The following SNX10 variants were observed in gnomAD, a reference collection of about 807,000 sequenced individuals.
SNX10 encodes sorting nexin-10.
A neutral mutation model predicts 28.5 loss-of-function variants in SNX10; 25 were observed. That is an observed-to-expected ratio of 0.88 (90% CI 0.64 to 1.22). The LOEUF (loss-of-function observed/expected upper bound fraction) is 1.22, where lower values mean the gene tolerates loss of function less well. SNX10 is among the 50% of genes most tolerant of loss of function. The probability of loss-of-function intolerance (pLI) is 0.00; values close to 1 mark genes in which losing one functional copy is unlikely to be tolerated. For synonymous variants in SNX10, 62 were observed against 81.4 expected (o/e 0.76, Z 1.28); for missense variants, 223 against 242.6 (o/e 0.92, Z 0.54).
chr7:26,293,811 A>G (rs1366844620), intron 1 of SNX10, among the ~76,000 whole-genome samples: 1 of 152,110 alleles, frequency 6.6e-6, no homozygotes, highest in Non-Finnish European at 1.5e-5. Context: ...TACTAATGGG[A>G]AGGACCCCTG....
intron 1 of SNX10, among the ~76,000 whole-genome samples, chr7:26,315,935 C>T (rs1787066648): frequency 6.6e-6 from 1 of 151,978 alleles, no homozygotes; most frequent in Admixed American, 6.6e-5. Flanking sequence ...GTAATCCCAG[C>T]ACTTTGGGAG....
intron 1 of SNX10, among the ~76,000 whole-genome samples, chr7:26,341,499 AT>A (rs77220780): frequency 0.54 from 78,417 of 145,558 alleles, 21,112 homozygotes; most frequent in South Asian, 0.65. Flanking sequence ...CTCTATGTGC[AT>A]TTTTTTTTTT....
At chr7:26,352,789 A>G (rs1788660270) in intron 2 of SNX10, among the ~76,000 whole-genome samples, 1 of 152,172 alleles carries the variant, frequency 6.6e-6, no homozygotes, top group Non-Finnish European at 1.5e-5. Flanking sequence ...CTAATTCTCT[A>G]TTTAATTAGG....
intron 1 of SNX10, among the ~76,000 whole-genome samples, chr7:26,328,492 C>G (rs967924410): frequency 6.6e-6 from 1 of 152,076 alleles, no homozygotes. Flanking sequence ...ATTCTGGACA[C>G]CTTTGTACAT....
At chr7:26,300,539 G>C (rs1031512529) in intron 1 of SNX10, among the ~76,000 whole-genome samples, 1 of 152,184 alleles carries the variant, frequency 6.6e-6, no homozygotes, top group Non-Finnish European at 1.5e-5. Context: ...CTAGGGAGGG[G>C]TGGTCTCTGC....
intron 1 of SNX10, among the ~76,000 whole-genome samples, chr7:26,300,082 A>G (rs1393530779): frequency 6.6e-6 from 1 of 152,050 alleles, no homozygotes; most frequent in Non-Finnish European, 1.5e-5. Flanking sequence ...ATGGTGGTGC[A>G]TGCCTGTAAT....
At chr7:26,335,732 A>ATTTTT (rs1554355773) in intron 1 of SNX10, among the ~76,000 whole-genome samples, 1 of 112,444 alleles carries the variant, frequency 8.9e-6, no homozygotes, top group Non-Finnish European at 1.9e-5. Context: ...CAGATGGAAT[A>ATTTTT]TTCTTTTTTT....
At chr7:26,344,175 A>ATTTTTTTTT (rs35200460) in intron 1 of SNX10, among the ~76,000 whole-genome samples, 1 of 114,108 alleles carries the variant, frequency 8.8e-6, no homozygotes, top group Non-Finnish European at 1.7e-5. Flanking sequence ...CTGTCTCTGA[A>ATTTTTTTTT]TTTTTTTTTT....
At chr7:26,343,680 G>A (rs1788265735) in intron 1 of SNX10, among the ~76,000 whole-genome samples, 1 of 152,170 alleles carries the variant, frequency 6.6e-6, no homozygotes, top group African/African-American at 2.4e-5. Context: ...AGGTTCAGCC[G>A]TGTGGAGCAC....
intron 1 of SNX10, among the ~76,000 whole-genome samples, chr7:26,332,784 C>T (rs879914200): frequency 3.9e-5 from 6 of 152,232 alleles, no homozygotes; most frequent in Admixed American, 1.3e-4. Flanking sequence ...CATTCTTTTG[C>T]GTGTGGCTAT....
At chr7:26,352,202 G>A in intron 2 of SNX10, among the ~76,000 whole-genome samples, 1 of 152,254 alleles carries the variant, frequency 6.6e-6, no homozygotes, top group Non-Finnish European at 1.5e-5. Context: ...CTGAAAGATT[G>A]TATAGTGAAT....
intron 1 of SNX10, among the ~76,000 whole-genome samples, chr7:26,343,094 G>A (rs1258187544): frequency 2.0e-5 from 3 of 152,144 alleles, no homozygotes; most frequent in African/African-American, 4.8e-5. Flanking sequence ...GTGAGCCCCC[G>A]GGGCCAGTTT....
At chr7:26,338,024 T>C (rs1215672694) in intron 1 of SNX10, among the ~76,000 whole-genome samples, 1 of 152,184 alleles carries the variant, frequency 6.6e-6, no homozygotes, top group Non-Finnish European at 1.5e-5. Flanking sequence ...TTTCTCATTG[T>C]GGATTAGTGA....
At chr7:26,336,016 C>G (rs947241837) in intron 1 of SNX10, among the ~76,000 whole-genome samples, 11 of 151,982 alleles carry the variant, frequency 7.2e-5, no homozygotes, top group Admixed American at 4.6e-4. Flanking sequence ...CAGGCGTGAG[C>G]CACCGCGCCC....
chr7:26,305,047 C>G (rs1377047611), intron 1 of SNX10, among the ~76,000 whole-genome samples: 2 of 152,174 alleles, frequency 1.3e-5, no homozygotes, highest in Non-Finnish European at 2.9e-5. Context: ...TCAGCCCCGA[C>G]ACAAACTCAG....
chr7:26,346,563 G>C, intron 2 of SNX10, 97 bp downstream of exon 2: 1 of 955,324 alleles, frequency 1.0e-6, no homozygotes, highest in Non-Finnish European at 1.7e-6. Flanking sequence ...GGTTGCTTGA[G>C]GAGGTTTCAT....
intron 1 of SNX10, among the ~76,000 whole-genome samples, chr7:26,345,943 C>T (rs1788369358): frequency 6.6e-6 from 1 of 152,166 alleles, no homozygotes; most frequent in Non-Finnish European, 1.5e-5. Flanking sequence ...GAGGGCCACA[C>T]CATCTCTTAT....
intron 1 of SNX10, among the ~76,000 whole-genome samples, chr7:26,302,326 C>T (rs896187176): frequency 1.2e-4 from 18 of 152,142 alleles, no homozygotes; most frequent in African/African-American, 4.1e-4. Context: ...CAGTGTAGGG[C>T]ACTTGCCCTG....
intron 3 of SNX10, among the ~76,000 whole-genome samples, chr7:26,362,444 C>A (rs987653397): frequency 6.6e-6 from 1 of 152,196 alleles, no homozygotes; most frequent in Non-Finnish European, 1.5e-5. Context: ...ATTCAGAAAT[C>A]TCCATCTGGA....
Sources: allele counts gnomAD v4.1 joint callset (sites outside exome capture counted in the v4.1 genomes callset), GRCh38; gene constraint gnomAD v4.1.1; transcripts MANE v1.5; gene names NCBI Gene and HGNC (gene_info 2026-07-23, HGNC 2026-07-21).